KIAA1191: variants seen among roughly 807,000 people sequenced by gnomAD.
KIAA1191 encodes putative monooxygenase p33MONOX.
In KIAA1191, 22 loss-of-function variants were observed where a neutral mutation model predicts 31.1. The observed-to-expected ratio is 0.71, with a 90% CI of 0.51 to 1.01. The LOEUF (loss-of-function observed/expected upper bound fraction) is 1.01, where lower values mean the gene tolerates loss of function less well. Among genes scored for constraint, KIAA1191 ranks in the 50% least tolerant of loss-of-function variants. The pLI is 0.00. For synonymous variants in KIAA1191, 130 were observed against 143.9 expected (o/e 0.90, Z 0.69); for missense variants, 319 against 388.0 (o/e 0.82, Z 1.49).
chr5:176,355,941 GT>G lies in KIAA1191; in HGVS notation c.29-193del. 1 of 618,924 alleles carries G rather than the reference GT, an allele frequency of 1.6e-6. No homozygotes were observed. Among genetic ancestry groups the G allele is most frequent in the South Asian group, 1.8e-5 (1 of 54,182 alleles). The allele number at this position is 618,924 out of a possible 1,614,324, so 38.3% of individuals were successfully genotyped here. ...CCTTCCTCTATGCCTGACACCTTGG[GT>G]GGTCCACTTAACCCACTCAGCCGTC... On this transcript the variant is annotated intron_variant, in intron 3 of 8. Transcript: ENST00000298569. The surrounding 1 kb of genome is among the most constrained non-coding windows in gnomAD (Gnocchi z 4.2).
At chr5:176,351,207 G>A (rs928771926) in intron 5 of KIAA1191, among the ~76,000 whole-genome samples, 8 of 151,870 alleles carry the variant, frequency 5.3e-5, no homozygotes, top group East Asian at 2.0e-4. Flanking sequence ...TGGGTGTGGT[G>A]GCAGGCGCCT....
At position 176,347,908 on chromosome 5, in the gene KIAA1191, G is replaced by A. The variant is rs1336511706; in HGVS notation, c.709+13C>T. Reference sequence around the variant, plus strand: ...CTGCCATGCTGCTCTCTTTTTTGAAGGTGCTGCCTTACCAGAATCGTACTT... The same window carrying A: ...CTGCCATGCTGCTCTCTTTTTTGAAAGTGCTGCCTTACCAGAATCGTACTT... On this transcript the variant is annotated intron_variant, in intron 8 of 8. Coordinates refer to ENST00000298569, the MANE Select transcript of KIAA1191 (RefSeq NM_020444.5). 2 of 1,613,588 alleles carry A rather than the reference G, an allele frequency of 1.2e-6. No homozygotes were observed. Among genetic ancestry groups the A allele is most frequent in the Non-Finnish European group, 1.7e-6 (2 of 1,179,912 alleles).
In KIAA1191 at chr5:176,348,318, CTCT is replaced by C. The variant is rs753204357; in HGVS notation, c.495_497del (p.Glu166del). On this transcript the variant is annotated inframe_deletion, in exon 7 of 9. Transcript: ENST00000298569. ...TGGACTGGGCTGATGCAGGCTGCCT[CTCT>C]TCTTTTGTTACCTCTCCACTCTGTA... is the stretch of plus-strand genomic sequence containing the variant. 3.7e-6 allele frequency: 6 copies of C among 1,613,708 alleles called. No individual in the cohort carries two copies. In the East Asian group the frequency reaches 6.7e-5, roughly 18 times the overall value.
At chr5:176,351,258 G>A (rs951733752) in intron 5 of KIAA1191, among the ~76,000 whole-genome samples, 1 of 150,758 alleles carries the variant, frequency 6.6e-6, no homozygotes, top group African/African-American at 2.4e-5. Flanking sequence ...GGAGAATGGC[G>A]TGAACCCGGG....
intron 6 of KIAA1191, among the ~76,000 whole-genome samples, chr5:176,350,141 A>G (rs1766859289): frequency 6.6e-6 from 1 of 152,228 alleles, no homozygotes; most frequent in Non-Finnish European, 1.5e-5. Flanking sequence ...ACAATCATAA[A>G]ACACTATCCA....
chr5:176,357,537 T>C (rs1767616361), intron 3 of KIAA1191, among the ~76,000 whole-genome samples: 1 of 152,172 alleles, frequency 6.6e-6, no homozygotes. Context: ...ATTCTTCCCA[T>C]TTTCAAATTT....
At chr5:176,357,011 C>T (rs768947065) in intron 3 of KIAA1191, among the ~76,000 whole-genome samples, 10 of 152,088 alleles carry the variant, frequency 6.6e-5, no homozygotes, top group African/African-American at 1.9e-4. Context: ...GTTATGAAAA[C>T]GTACTGCAGT....
Position 176,352,735 on chromosome 5 carries a change from T to C in KIAA1191, c.221A>G (p.Glu74Gly), listed in dbSNP as rs1767143872. 6.2e-7 allele frequency: 1 copy of C among 1,613,340 alleles called. No individual in the cohort carries two copies. The highest frequency in any genetic ancestry group is 1.7e-5 in the Admixed American group (1 of 59,956). ...CATGGCAGGGGAGGGTAGACTGGCCTCTCCTTCCTCCACCTGTTCAAGAGA... is the reference window on the plus strand; with the variant it reads ...CATGGCAGGGGAGGGTAGACTGGCCCCTCCTTCCTCCACCTGTTCAAGAGA... The part of the protein sequence containing the change: ...YQHLAKVEEG[E>G]ASLPSPAMTL... Residue 74 changes from glutamate (E) to glycine (G), a missense_variant, in exon 5 of 9, where the codon GAG becomes GGG. Physicochemically the swap from Glu to Gly is moderately conservative, Grantham distance 98. Transcript: ENST00000298569.
chr5:176,348,573 T>C (rs560637925), intron 6 of KIAA1191, among the ~76,000 whole-genome samples: 1 of 149,966 alleles, frequency 6.7e-6, no homozygotes, highest in Non-Finnish European at 1.5e-5. Context: ...CACTATATCA[T>C]GAACATCCCT....
chr5:176,359,729 G>A (rs778015013), intron 2 of KIAA1191, 82 bp downstream of exon 2: 3 of 517,402 alleles, frequency 5.8e-6, no homozygotes, highest in Admixed American at 3.2e-5. Context: ...AAAGTCAAAC[G>A]TCTCACCACA....
chr5:176,361,487 CG>C lies in KIAA1191; in HGVS notation c.-168+114del, dbSNP rs1467989133. 1 of 152,534 alleles carries C rather than the reference CG, an allele frequency of 6.6e-6. No homozygotes were observed. Among genetic ancestry groups the C allele is most frequent in the Admixed American group, 6.5e-5 (1 of 15,308 alleles). The allele number at this position is 152,534 out of a possible 1,614,324, so 9.4% of individuals were successfully genotyped here. ...AGCCGGGATGAAGGGTTAAGAGGTG[CG>C]GGGAGAGGGGAGTGGCTTGGAGGGG... On this transcript the variant is annotated intron_variant, in intron 1 of 8. Transcript: ENST00000298569. This position sits in a 1 kb window ranked among gnomAD's most constrained non-coding sequence, Gnocchi z 4.0.
At chr5:176,351,324 G>C (rs1377288356) in intron 5 of KIAA1191, among the ~76,000 whole-genome samples, 2 of 149,488 alleles carry the variant, frequency 1.3e-5, no homozygotes, top group Non-Finnish European at 3.0e-5. Context: ...CTGGGCGACA[G>C]AGCAAGACTC....
At chr5:176,349,706 C>T (rs1766824400) in intron 6 of KIAA1191, among the ~76,000 whole-genome samples, 1 of 152,182 alleles carries the variant, frequency 6.6e-6, no homozygotes, top group Non-Finnish European at 1.5e-5. Flanking sequence ...CACCCACAGG[C>T]CACCAGATCC....
Position 176,355,945 on chromosome 5 carries a change from T to C in KIAA1191, c.29-196A>G. ...CCTCTATGCCTGACACCTTGGGTGG[T>C]CCACTTAACCCACTCAGCCGTCCTA... On this transcript the variant is annotated intron_variant, in intron 3 of 8. Coordinates refer to ENST00000298569, the MANE Select transcript of KIAA1191 (RefSeq NM_020444.5). This position sits in a 1 kb window ranked among gnomAD's most constrained non-coding sequence, Gnocchi z 4.2. 1.6e-6 allele frequency: 1 copy of C among 614,456 alleles called. No individual in the cohort carries two copies. Among genetic ancestry groups the C allele is most frequent in the Non-Finnish European group, 2.9e-6 (1 of 346,792 alleles). The allele number at this position is 614,456 out of a possible 1,614,324, so 38.1% of individuals were successfully genotyped here. A position where few individuals can be genotyped will look rare whatever the true frequency, so the allele number is the denominator to read the frequency against.
intron 5 of KIAA1191, among the ~76,000 whole-genome samples, chr5:176,351,575 G>C (rs1767011871): frequency 6.6e-6 from 1 of 150,444 alleles, no homozygotes; most frequent in South Asian, 2.1e-4. Context: ...CTGCCCAACA[G>C]AGTGAAACCC....
In KIAA1191 at chr5:176,347,480, C is replaced by T. The variant is rs544273037; in HGVS notation, c.*120G>A. ...CCTCCCAAAGTGCTGGGATTACAGG[C>T]GTGAGCCACCACGCCCAGCTGATTA... is the stretch of plus-strand genomic sequence containing the variant. On this transcript the variant is annotated 3_prime_UTR_variant, in exon 9 of 9. Transcript: ENST00000298569. 9.8e-4 allele frequency: 780 copies of T among 797,232 alleles called. No homozygotes were observed. The highest frequency in any genetic ancestry group is 1.7e-3 in the South Asian group (56 of 33,194). The allele number at this position is 797,232 out of a possible 1,614,324, so 49.4% of individuals were successfully genotyped here. A position where few individuals can be genotyped will look rare whatever the true frequency, so the allele number is the denominator to read the frequency against.
chr5:176,359,181 T>C (rs1310977325), intron 3 of KIAA1191, among the ~76,000 whole-genome samples: 1 of 150,170 alleles, frequency 6.7e-6, no homozygotes, highest in East Asian at 2.0e-4. Flanking sequence ...TAGCTGGGTG[T>C]GGTGGCGGGC....
intron 3 of KIAA1191, chr5:176,356,068 G>C (rs1002833632): frequency 3.4e-6 from 1 of 294,860 alleles, no homozygotes; most frequent in African/African-American, 2.3e-5. Flanking sequence ...CAACCTCCTG[G>C]GCTCAAGTGC....
Position 176,355,661 on chromosome 5 carries a change from G to A in KIAA1191, c.117C>T (p.Asp39=), listed in dbSNP as rs771189456. 6.2e-7 allele frequency: 1 copy of A among 1,613,242 alleles called. No homozygotes were observed. Among genetic ancestry groups the A allele is most frequent in the Non-Finnish European group, 8.5e-7 (1 of 1,180,030 alleles). The part of the protein sequence containing the change: ...RAVSYDDTLE[D]PAPMTPPPSD... ...ATGGAGGAGGAGTCATGGGCGCAGG[G>A]TCCTCGAGGGTATCATCATAGCTGA... The change falls in exon 4 of 9, where the codon GAC becomes GAT. Residue 39 remains aspartate, a synonymous_variant. Transcript: ENST00000298569. The surrounding 1 kb of genome is among the most constrained non-coding windows in gnomAD (Gnocchi z 4.2).
Sources: gnomAD v4.1 joint callset for allele counts (sites outside exome capture counted in the v4.1 genomes callset) on GRCh38, gnomAD v4.1.1 for gene constraint, Gnocchi (gnomAD v3.1) non-coding constraint, MANE v1.5 for transcripts, NCBI Gene and HGNC (gene_info 2026-07-23, HGNC 2026-07-21) for gene names.